Variants in LPIN2 observed in about 807,000 individuals in gnomAD.
The protein encoded by LPIN2 is lipin 2.
A neutral mutation model predicts 111.4 loss-of-function variants in LPIN2; 55 were observed. The observed-to-expected ratio is 0.49, with a 90% confidence interval of 0.40 to 0.62. The LOEUF is 0.62. Among genes scored for constraint, LPIN2 ranks in the 20% least tolerant of loss-of-function variants. The pLI, the probability that LPIN2 is intolerant of heterozygous loss-of-function variation, is 0.00. For synonymous variants in LPIN2, 425 were observed against 414.0 expected, an observed-to-expected ratio of 1.03 and a Z score of -0.32; for missense variants, 992 against 1,112.1, an observed-to-expected ratio of 0.89 and a Z score of 1.54.
chr18:2,924,515 T>C lies in LPIN2; in HGVS notation c.1970A>G (p.Asp657Gly). Residue 657 changes from aspartate to glycine, a missense_variant, in exon 15 of 20, where the codon GAT becomes GGT. Transcript: ENST00000677752. ...AKLKLHDGPN[D>G]VVFSITTQYQ... ...CTGGGTTGTAATACTAAACACAACATCATTTGGGCCATCGTGGAGCTTCAG... is the reference window on the plus strand; with the variant it reads ...CTGGGTTGTAATACTAAACACAACACCATTTGGGCCATCGTGGAGCTTCAG... 1 of 1,614,228 alleles carries C rather than the reference T, an allele frequency of 6.2e-7. No homozygotes were observed. The highest frequency in any genetic ancestry group is 2.2e-5 in the East Asian group (1 of 44,886).
intron 5 of LPIN2, among the ~76,000 whole-genome samples, 170 bp from the exon 6 acceptor site, chr18:2,939,773 A>T (rs1477440725): frequency 1.3e-5 from 2 of 152,254 alleles, no homozygotes; most frequent in Admixed American, 6.5e-5. Flanking sequence ...TTCTTTAATA[A>T]TAATAATAAA....
rs1348580429 is a variant in LPIN2 at position 2,925,355 on chromosome 18, C to G, written c.1807G>C (p.Asp603His). The G allele has an allele frequency of 6.2e-7, 1 of 1,614,082 alleles. No homozygotes were observed. The highest frequency in any genetic ancestry group is 2.2e-5 in the East Asian group (1 of 44,884). ...EPAGARPAENDSSSDEGSQEL... is the reference protein window; with the variant it reads ...EPAGARPAENHSSSDEGSQEL... ...TGTGATCCCTCGTCACTCGAGGAGT[C>G]ATTCTCGGCCGGCCTGTTCAACATT... The change falls in exon 14 of 20, where the codon GAC becomes CAC. Residue 603 changes from aspartate to histidine, a missense_variant. Around this residue, in one of 4 missense-constraint regions of LPIN2, gnomAD observed 709 missense variants for 753.2 expected, o/e 0.94. Coordinates refer to ENST00000677752, the MANE Select transcript of LPIN2 (RefSeq NM_001375808.2). The surrounding 1 kb of genome is among the most constrained non-coding windows in gnomAD (Gnocchi z 4.1).
chr18:2,943,211 T>TTTTG (rs57648143), intron 4 of LPIN2, among the ~76,000 whole-genome samples: 1 of 151,588 alleles, frequency 6.6e-6, no homozygotes, highest in African/African-American at 2.4e-5. Context: ...TTCTGTTTTG[T>TTTTG]TTTTTAGAGA....
Position 2,970,978 on chromosome 18 carries a change from G to A in LPIN2, c.-9-10129C>T, listed in dbSNP as rs576623202. On this transcript the variant is annotated intron_variant, in intron 1 of 19. Coordinates refer to ENST00000677752, the MANE Select transcript of LPIN2 (RefSeq NM_001375808.2). ...TTGGACTGAGTAGGGCTCAGAAAAG[G>A]GAAGACGCTTTCCCAGTATAGCAAT... is the stretch of plus-strand genomic sequence containing the variant. Among the ~76,000 whole-genome samples, 32 of 152,260 alleles carry A rather than the reference G, an allele frequency of 2.1e-4. 1 individual carries two copies. In the South Asian group the frequency reaches 6.6e-3, roughly 32 times the overall value.
intron 1 of LPIN2, among the ~76,000 whole-genome samples, chr18:3,003,496 G>A (rs2078464130): frequency 6.6e-6 from 1 of 152,160 alleles, no homozygotes; most frequent in African/African-American, 2.4e-5. Context: ...CATAAATTGT[G>A]AAGATTTCAT....
intron 1 of LPIN2, among the ~76,000 whole-genome samples, chr18:3,008,879 GTTTTTTT>G (rs76748358): frequency 8.1e-6 from 1 of 123,294 alleles, no homozygotes; most frequent in Non-Finnish European, 1.7e-5. Flanking sequence ...CCACAGCTGT[GTTTTTTT>G]TTTTTTTTTT....
intron 3 of LPIN2, 106 bp from the exon 4 acceptor site, chr18:2,951,462 AAT>A (rs2077536963): frequency 1.5e-6 from 1 of 660,648 alleles, no homozygotes; most frequent in Non-Finnish European, 2.5e-6. Context: ...AAAAAAAAAA[AAT>A]ACATATTCCC....
intron 4 of LPIN2, 141 bp from the exon 5 acceptor site, chr18:2,940,853 A>G (rs2077358418): frequency 1.5e-6 from 1 of 672,618 alleles, no homozygotes; most frequent in African/African-American, 1.8e-5. Context: ...TATATGAAGG[A>G]GAAGGGGGGA....
chr18:2,989,342 A>C (rs573141305), intron 1 of LPIN2, among the ~76,000 whole-genome samples: 16 of 152,210 alleles, frequency 1.1e-4, no homozygotes, highest in Non-Finnish European at 1.9e-4. Flanking sequence ...AAATTTAACC[A>C]AGGAGGTGAA....
intron 1 of LPIN2, among the ~76,000 whole-genome samples, chr18:2,990,265 A>T (rs1383035065): frequency 2.0e-5 from 3 of 152,258 alleles, no homozygotes; most frequent in Non-Finnish European, 4.4e-5. Flanking sequence ...TGATTCTCAG[A>T]TATAACACCA....
At chr18:2,939,320 C>T (rs921760860) in intron 6 of LPIN2, among the ~76,000 whole-genome samples, 160 bp downstream of exon 6, 2 of 152,122 alleles carry the variant, frequency 1.3e-5, no homozygotes, top group Non-Finnish European at 2.9e-5. Flanking sequence ...CCAAATGTTA[C>T]AAAAAATGTT....
chr18:2,970,316 G>A (rs984923036), intron 1 of LPIN2, among the ~76,000 whole-genome samples: 1 of 152,182 alleles, frequency 6.6e-6, no homozygotes, highest in Admixed American at 6.5e-5. Flanking sequence ...TCTATAATAC[G>A]GGACCCAGGT....
chr18:2,934,553 T>C, intron 7 of LPIN2, 103 bp from the exon 8 acceptor site: 2 of 762,384 alleles, frequency 2.6e-6, no homozygotes, highest in Non-Finnish European at 4.6e-6. Context: ...AAGCAGGATT[T>C]GAATAGGGTT....
chr18:2,950,952 A>C, intron 4 of LPIN2, 103 bp downstream of exon 4: 1 of 1,268,410 alleles, frequency 7.9e-7, no homozygotes, highest in East Asian at 2.3e-5. Flanking sequence ...GGGGAAAACA[A>C]GCCCAAACCT....
chr18:2,982,617 C>T, intron 1 of LPIN2: 2 of 835,286 alleles, frequency 2.4e-6, no homozygotes, highest in Non-Finnish European at 3.6e-6. Flanking sequence ...CAGTAGTGTC[C>T]AGATTGAGCA....
chr18:2,957,077 T>C (rs577196334), intron 2 of LPIN2, among the ~76,000 whole-genome samples: 1 of 152,374 alleles, frequency 6.6e-6, no homozygotes, highest in Admixed American at 6.5e-5. Flanking sequence ...CATTTCCATA[T>C]AGTCTTACTT....
intron 1 of LPIN2, among the ~76,000 whole-genome samples, chr18:3,012,726 G>C (rs540104015): frequency 6.6e-6 from 1 of 152,130 alleles, no homozygotes; most frequent in African/African-American, 2.4e-5. Flanking sequence ...GGTAGGGGTG[G>C]TCTCGGGTAA....
At chr18:2,964,937 G>A (rs556140092) in intron 1 of LPIN2, among the ~76,000 whole-genome samples, 9 of 152,240 alleles carry the variant, frequency 5.9e-5, no homozygotes, top group Non-Finnish European at 1.2e-4. Flanking sequence ...GGTCTACTCT[G>A]ACTCTTATGA....
At chr18:2,921,112 C>T (rs2077047571) in intron 18 of LPIN2, 4 of 596,612 alleles carry the variant, frequency 6.7e-6, no homozygotes, top group Admixed American at 2.7e-5. Flanking sequence ...GGGTCCCTGG[C>T]GCAGAAGAGG....
Sources: allele counts gnomAD v4.1 joint callset (sites outside exome capture counted in the v4.1 genomes callset), GRCh38; gene constraint gnomAD v4.1.1; regional missense constraint gnomAD v4.1.1; non-coding constraint Gnocchi (gnomAD v3.1); transcripts MANE v1.5; gene names NCBI Gene and HGNC (gene_info 2026-07-23, HGNC 2026-07-21).